Variants in KLHL32 observed in about 807,000 individuals in gnomAD.
KLHL32 encodes kelch-like protein 32.
A neutral mutation model predicts 64.8 loss-of-function variants in KLHL32; 35 were observed. The ratio of observed to expected loss-of-function variants is 0.54; its 90% CI spans 0.41 to 0.72. The LOEUF (loss-of-function observed/expected upper bound fraction) is 0.72. KLHL32 is among the 30% of genes least tolerant of loss of function. KLHL32 has a pLI of 0.00. For missense variants in KLHL32, 589 were observed against 768.5 expected, an observed-to-expected ratio of 0.77 and a Z score of 2.76; for synonymous variants, 259 against 281.0, an observed-to-expected ratio of 0.92 and a Z score of 0.78.
intron 2 of KLHL32, among the ~76,000 whole-genome samples, chr6:96,967,474 T>C (rs62413877): frequency 6.6e-6 from 1 of 150,534 alleles, no homozygotes; most frequent in Non-Finnish European, 1.5e-5. Flanking sequence ...TATATATATA[T>C]AGAGAGAGAG....
At chr6:96,946,410 C>T (rs891064333) in intron 1 of KLHL32, among the ~76,000 whole-genome samples, 1 of 152,078 alleles carries the variant, frequency 6.6e-6, no homozygotes, top group Non-Finnish European at 1.5e-5. Flanking sequence ...CTTGTGTAGA[C>T]AGTTAGCTCC....
intron 6 of KLHL32, among the ~76,000 whole-genome samples, chr6:97,086,015 A>G (rs553924842): frequency 2.6e-4 from 39 of 152,308 alleles, no homozygotes; most frequent in African/African-American, 8.7e-4. Context: ...ATTCCTTGAA[A>G]AATCCACTTG....
the KLHL32 span, among the ~76,000 whole-genome samples, chr6:96,912,836 T>C: frequency 1.3e-5 from 2 of 152,316 alleles, no homozygotes; most frequent in East Asian, 1.9e-4. Flanking sequence ...CTCTGCATTG[T>C]AATTGCTGCT....
intron 3 of KLHL32, chr6:97,024,904 T>C: frequency 1.4e-6 from 1 of 705,900 alleles, no homozygotes; most frequent in Non-Finnish European, 1.7e-6. Context: ...ACTTTATTTT[T>C]CTGCCATATC....
At chr6:96,970,838 C>T (rs964032712) in intron 2 of KLHL32, among the ~76,000 whole-genome samples, 2 of 152,030 alleles carry the variant, frequency 1.3e-5, no homozygotes, top group African/African-American at 4.8e-5. Flanking sequence ...ATAAAGTGTT[C>T]TATAGAAATG....
chr6:97,048,827 A>G (rs190227382), intron 4 of KLHL32, among the ~76,000 whole-genome samples: 122 of 152,350 alleles, frequency 8.0e-4, no homozygotes, highest in Non-Finnish European at 9.4e-4. Flanking sequence ...ACTTATAAAT[A>G]TAACCCAATT....
intron 3 of KLHL32, among the ~76,000 whole-genome samples, chr6:97,030,800 C>G (rs1783430519): frequency 6.6e-6 from 1 of 152,164 alleles, no homozygotes; most frequent in Non-Finnish European, 1.5e-5. Context: ...ATCTAAAACA[C>G]CTTACATGCA....
intron 6 of KLHL32, among the ~76,000 whole-genome samples, chr6:97,107,741 A>G (rs1009815384): frequency 6.6e-6 from 1 of 152,236 alleles, no homozygotes. Context: ...AGCCATAAAG[A>G]TGAGATAATA....
Position 97,059,626 on chromosome 6 carries a change from C to A in KLHL32, c.313-5002C>A, listed in dbSNP as rs977675515. 2.0e-5 allele frequency among the ~76,000 whole-genome samples: 3 copies of A among 152,104 alleles called. No homozygotes were observed. In the East Asian group the frequency reaches 5.8e-4, roughly 29 times the overall value. ...AGTGCATGAGTCAATTTAGAAAATT[C>A]TTTTCCTTTAAATGGCTGCCACCTT... On this transcript the variant is annotated intron_variant, in intron 4 of 10. Transcript: ENST00000369261.
intron 1 of KLHL32, among the ~76,000 whole-genome samples, chr6:96,953,678 C>T (rs924241235): frequency 6.6e-6 from 1 of 151,758 alleles, no homozygotes; most frequent in Non-Finnish European, 1.5e-5. Flanking sequence ...CCTAAAATCA[C>T]GCCATCATAC....
chr6:97,102,188 T>G (rs1051608536), intron 6 of KLHL32, among the ~76,000 whole-genome samples: 1 of 152,168 alleles, frequency 6.6e-6, no homozygotes, highest in Non-Finnish European at 1.5e-5. Flanking sequence ...AGTCCTGTAT[T>G]CTTTTCCTTG....
intron 4 of KLHL32, among the ~76,000 whole-genome samples, chr6:97,048,811 G>A (rs1031216239): frequency 2.6e-5 from 4 of 152,082 alleles, no homozygotes; most frequent in East Asian, 1.9e-4. Flanking sequence ...AGTCTCTGTC[G>A]GATTTACTTA....
intron 1 of KLHL32, among the ~76,000 whole-genome samples, chr6:96,965,929 A>G (rs961658153): frequency 6.6e-6 from 1 of 152,210 alleles, no homozygotes; most frequent in Non-Finnish European, 1.5e-5. Context: ...CAACTCAACA[A>G]CCTAATGTTC....
intron 6 of KLHL32, among the ~76,000 whole-genome samples, chr6:97,098,259 A>G (rs1167603521): frequency 2.0e-5 from 3 of 152,194 alleles, no homozygotes; most frequent in African/African-American, 7.2e-5. Context: ...AAAAGAAAAA[A>G]TAAAGGAAAA....
At chr6:97,022,470 A>AT (rs145998879) in intron 3 of KLHL32, among the ~76,000 whole-genome samples, 3,490 of 138,914 alleles carry the variant, frequency 0.025, 152 homozygotes, top group African/African-American at 0.038. Flanking sequence ...ATAACACCTA[A>AT]TTTTTTTTTT....
chr6:97,019,941 G>A (rs1171466765), intron 3 of KLHL32, among the ~76,000 whole-genome samples: 2 of 115,500 alleles, frequency 1.7e-5, no homozygotes, highest in Non-Finnish European at 3.4e-5. Flanking sequence ...CACCACTCCC[G>A]GCGAATTTTT....
chr6:97,129,421 T>C (rs538610822), intron 8 of KLHL32, among the ~76,000 whole-genome samples: 39 of 152,212 alleles, frequency 2.6e-4, no homozygotes. Flanking sequence ...TCTTTACTTA[T>C]CTGTCCATTA....
At chr6:97,004,017 AATGCT>A (rs770832531) in intron 3 of KLHL32, among the ~76,000 whole-genome samples, 1 of 152,216 alleles carries the variant, frequency 6.6e-6, no homozygotes, top group Non-Finnish European at 1.5e-5. Context: ...TTCTGTGAAG[AATGCT>A]ATTGGTTGTT....
chr6:97,088,931 G>T (rs1429989259), intron 6 of KLHL32, among the ~76,000 whole-genome samples: 2 of 152,194 alleles, frequency 1.3e-5, no homozygotes, highest in African/African-American at 2.4e-5. Flanking sequence ...TTTCACCAGA[G>T]TAAGAGGGAG....
Sources: gnomAD v4.1 joint callset for allele counts (sites outside exome capture counted in the v4.1 genomes callset) on GRCh38, gnomAD v4.1.1 for gene constraint, MANE v1.5 for transcripts, NCBI Gene and HGNC (gene_info 2026-07-23, HGNC 2026-07-21) for gene names.